Variants in SEPTIN8 observed in about 807,000 individuals in gnomAD.
SEPTIN8 encodes septin-8.
Under a neutral mutation model 53.1 loss-of-function variants are expected in SEPTIN8, and 22 were observed. The observed-to-expected ratio is 0.41, with a 90% confidence interval of 0.30 to 0.59. SEPTIN8 has a LOEUF of 0.59. SEPTIN8 is among the 20% of genes least tolerant of loss of function. The pLI is 0.24. For synonymous variants in SEPTIN8, 228 were observed against 248.4 expected, an observed-to-expected ratio of 0.92 and a Z score of 0.77; for missense variants, 536 against 638.7, an observed-to-expected ratio of 0.84 and a Z score of 1.73.
At chr5:132,777,944 T>C, upstream of SEPTIN8, 1 of 985,446 alleles carries the variant, frequency 1.0e-6, no homozygotes, top group South Asian at 4.7e-5. The surrounding 1 kb of genome is among the most constrained non-coding windows in gnomAD (Gnocchi z 4.1). Context: ...ATTGCAAGTG[T>C]CCATCACCCT....
At chr5:132,777,783 G>A, upstream of SEPTIN8, 2 of 985,430 alleles carry the variant, frequency 2.0e-6, no homozygotes, top group Non-Finnish European at 2.4e-6. This position sits in a 1 kb window ranked among gnomAD's most constrained non-coding sequence, Gnocchi z 4.1. Context: ...GAGCTAAGGC[G>A]GGAACCCCGG....
In SEPTIN8 at chr5:132,776,391, C is replaced by T. The variant is rs1304974013; in HGVS notation, c.30+717G>A. On this transcript the variant is annotated intron_variant, in intron 1 of 9. Coordinates refer to ENST00000378719, the MANE Select transcript of SEPTIN8 (RefSeq NM_001098811.2). This position sits in a 1 kb window ranked among gnomAD's most constrained non-coding sequence, Gnocchi z 4.4. ...GTCGGCAGGCTCAGGCCCAGTGAGA[C>T]CCCTGCAGGGACCACCAGGGACATC... is the stretch of plus-strand genomic sequence containing the variant. Among the ~76,000 whole-genome samples the T allele has an allele frequency of 6.6e-6, 1 of 152,210 alleles. No individual in the cohort carries two copies. The highest frequency in any genetic ancestry group is 6.5e-5 in the Admixed American group (1 of 15,288).
chr5:132,764,693 AG>A (rs1478937975), intron 2 of SEPTIN8, among the ~76,000 whole-genome samples: 9 of 152,300 alleles, frequency 5.9e-5, no homozygotes, highest in African/African-American at 2.2e-4. Context: ...CTCAGGGAGC[AG>A]GGAAGAGACA....
intron 1 of SEPTIN8, among the ~76,000 whole-genome samples, chr5:132,766,825 T>C (rs1756651752): frequency 6.6e-6 from 1 of 152,104 alleles, no homozygotes; most frequent in Non-Finnish European, 1.5e-5. Flanking sequence ...CCTCAGCACC[T>C]GAGCAGCTGA....
rs748079154 is a variant in SEPTIN8, at chr5:132,763,758, C to T, written c.482G>A (p.Gly161Glu). 1 of 1,614,164 alleles carries T rather than the reference C, an allele frequency of 6.2e-7. No homozygotes were observed. Among genetic ancestry groups the T allele is most frequent in the African/African-American group, 1.3e-5 (1 of 75,050 alleles). ...TAGATCTAGAGACTTCAGGGAGTGCCCTGTGGGCGTGATGAAGTAGAGGCA... is the reference window on the plus strand; with the variant it reads ...TAGATCTAGAGACTTCAGGGAGTGCTCTGTGGGCGTGATGAAGTAGAGGCA... The part of the protein sequence containing the change: ...HVCLYFITPT[G>E]HSLKSLDLVT... Residue 161 changes from glycine to glutamate, a missense_variant, in exon 4 of 10, where the codon GGG becomes GAG. Coordinates refer to ENST00000378719, the MANE Select transcript of SEPTIN8 (RefSeq NM_001098811.2).
chr5:132,753,094 G>A, intron 9 of SEPTIN8: 2 of 769,660 alleles, frequency 2.6e-6, no homozygotes, highest in Non-Finnish European at 4.2e-6. Context: ...AAGAGCAACT[G>A]AGAAAAAGTT....
chr5:132,777,997 A>G (rs989220158), upstream of SEPTIN8: 14 of 985,354 alleles, frequency 1.4e-5, no homozygotes, highest in African/African-American at 1.7e-5. This position sits in a 1 kb window ranked among gnomAD's most constrained non-coding sequence, Gnocchi z 4.1. Context: ...TGGTTCCACC[A>G]TTGTGCAAAG....
chr5:132,775,844 G>A (rs1443589198), intron 1 of SEPTIN8: 1 of 152,124 alleles, frequency 6.6e-6, no homozygotes, highest in African/African-American at 2.4e-5. Flanking sequence ...TCTCTGAGTA[G>A]CCCAGCCTCT....
In SEPTIN8 at chr5:132,761,484, G is replaced by A. The variant is rs769826889; in HGVS notation, c.936C>T (p.Asp312=). The change falls in exon 7 of 10, where the codon GAC becomes GAT. Residue 312 remains aspartate, a synonymous_variant. Transcript: ENST00000378719. This position sits in a 1 kb window ranked among gnomAD's most constrained non-coding sequence, Gnocchi z 5.8. ...RCKLEEMGFQ[D]SDGDSQPFSL... is the part of the protein sequence containing the mutation. ...TGAAGGGCTGGCTGTCACCATCGCT[G>A]TCCTGAAAGCCCATCTCCTCCAACT... is the stretch of plus-strand genomic sequence containing the variant. The A allele has an allele frequency of 2.5e-6, 4 of 1,612,952 alleles. No homozygotes were observed. Among genetic ancestry groups the A allele is most frequent in the Admixed American group, 1.7e-5 (1 of 60,006 alleles).
rs1180094696 is a variant in SEPTIN8, at chr5:132,773,745, A to C, written c.30+3363T>G. Among the ~76,000 whole-genome samples, 1 of 152,118 alleles carries C rather than the reference A, an allele frequency of 6.6e-6. No individual in the cohort carries two copies. Among genetic ancestry groups the C allele is most frequent in the African/African-American group, 2.4e-5 (1 of 41,422 alleles). ...CCCTGAGCTTGGTCTCCTCCTTGCC[A>C]TCCTCTCTGTTCCTATCATGGTCAG... On this transcript the variant is annotated intron_variant, in intron 1 of 9. Coordinates refer to ENST00000378719, the MANE Select transcript of SEPTIN8 (RefSeq NM_001098811.2). This position sits in a 1 kb window ranked among gnomAD's most constrained non-coding sequence, Gnocchi z 4.2.
chr5:132,760,958 T>A lies in SEPTIN8; in HGVS notation c.1130A>T (p.His377Leu). The part of the protein sequence containing the change: ...HEKFEHLKRV[H>L]QEEKRKVEEK... ...CTCCACCTTGCGCTTCTCCTCCTGG[T>A]GGACCCGCTTCAGGTGCTCAAACTT... The change falls in exon 9 of 10, where the codon CAC becomes CTC. Residue 377 changes from histidine (H) to leucine (L), a missense_variant. By Grantham distance (99) the His-to-Leu change is moderately conservative (BLOSUM62 -3). This residue lies in a region of SEPTIN8 where 133 missense variants were observed against 157.4 expected (regional missense o/e 0.84). Coordinates refer to ENST00000378719, the MANE Select transcript of SEPTIN8 (RefSeq NM_001098811.2). The surrounding 1 kb of genome is among the most constrained non-coding windows in gnomAD (Gnocchi z 5.2). The A allele has an allele frequency of 6.3e-7, 1 of 1,591,654 alleles. No individual in the cohort carries two copies. Among genetic ancestry groups the A allele is most frequent in the South Asian group, 1.2e-5 (1 of 86,798 alleles).
At chr5:132,752,583 G>C (rs552016369) in intron 9 of SEPTIN8, among the ~76,000 whole-genome samples, 1 of 152,126 alleles carries the variant, frequency 6.6e-6, no homozygotes, top group East Asian at 1.9e-4. Context: ...TGTGGTACCA[G>C]GTACAGGGGT....
upstream of SEPTIN8, chr5:132,778,064 G>A: frequency 1.0e-6 from 1 of 985,554 alleles, no homozygotes; most frequent in South Asian, 4.7e-5. Context: ...TGCTCAAAAC[G>A]TTCAGAAAAT....
intron 9 of SEPTIN8, chr5:132,753,246 T>C (rs1015361299): frequency 4.8e-6 from 2 of 416,284 alleles, no homozygotes; most frequent in Non-Finnish European, 8.8e-6. Context: ...TATGAATGAA[T>C]GTTCAAATGG....
At chr5:132,757,518 A>G in intron 9 of SEPTIN8, 1 of 985,530 alleles carries the variant, frequency 1.0e-6, no homozygotes, top group Non-Finnish European at 1.2e-6. Context: ...CAATTCCACA[A>G]TAAATTAGCA....
At chr5:132,758,476 G>C in intron 9 of SEPTIN8, 1 of 1,609,828 alleles carries the variant, frequency 6.2e-7, no homozygotes, top group Admixed American at 1.7e-5. Flanking sequence ...CTAGCATCCC[G>C]GCTGGGGCCT....
chr5:132,757,697 C>T (rs1207190737), intron 9 of SEPTIN8: 1 of 985,412 alleles, frequency 1.0e-6, no homozygotes, highest in Non-Finnish European at 1.2e-6. Flanking sequence ...AGGCCGTATT[C>T]TCAACACTGA....
At chr5:132,770,143 G>GTGTGTATATATATATATATATGTATATA (rs1561769167) in intron 1 of SEPTIN8, among the ~76,000 whole-genome samples, 1 of 97,708 alleles carries the variant, frequency 1.0e-5, no homozygotes, top group Non-Finnish European at 1.7e-5. Context: ...GTGTATGTGT[G>GTGTGTATATATATATATATATGTATATA]TGTATATATA....
intron 4 of SEPTIN8, 75 bp from the exon 5 acceptor site, chr5:132,762,720 A>G: frequency 6.7e-7 from 1 of 1,486,150 alleles, no homozygotes; most frequent in Admixed American, 1.7e-5. Context: ...TGCCCAGGAT[A>G]TGGATAGACA....
Sources: gnomAD v4.1 joint callset for allele counts (sites outside exome capture counted in the v4.1 genomes callset) on GRCh38, gnomAD v4.1.1 for gene constraint, gnomAD v4.1.1 regional missense constraint, Gnocchi (gnomAD v3.1) non-coding constraint, MANE v1.5 for transcripts, NCBI Gene and HGNC (gene_info 2026-07-23, HGNC 2026-07-21) for gene names.